Variants in SLC13A1 observed in about 807,000 individuals in gnomAD.
SLC13A1 encodes Na(+)/sulfate cotransporter.
A neutral mutation model predicts 70.0 loss-of-function variants in SLC13A1; 65 were observed. The observed-to-expected ratio is 0.93, with a 90% CI of 0.76 to 1.14. SLC13A1 has a LOEUF of 1.14. Ranked by LOEUF, SLC13A1 falls within the 50% of genes most tolerant of loss-of-function variation. The pLI is 0.00. For synonymous variants in SLC13A1, 275 were observed against 250.5 expected (o/e 1.10, Z -0.92); for missense variants, 726 against 717.8 (o/e 1.01, Z -0.13).
chr7:123,173,498 T>C (rs1487086154), intron 2 of SLC13A1, among the ~76,000 whole-genome samples: 2 of 152,156 alleles, frequency 1.3e-5, no homozygotes, highest in Non-Finnish European at 1.5e-5. Flanking sequence ...AGAGTATATA[T>C]TAATAAATGC....
intron 1 of SLC13A1, among the ~76,000 whole-genome samples, chr7:123,190,118 A>G (rs960503169): frequency 6.6e-6 from 1 of 152,172 alleles, no homozygotes; most frequent in African/African-American, 2.4e-5. Flanking sequence ...ATTCTTTCTC[A>G]GTTCACTGAA....
chr7:123,135,032 C>G (rs1015739557), intron 7 of SLC13A1, among the ~76,000 whole-genome samples: 2 of 152,158 alleles, frequency 1.3e-5, no homozygotes, highest in Non-Finnish European at 2.9e-5. Flanking sequence ...CCTAGGTCAT[C>G]TCCCATGGCT....
At position 123,163,856 on chromosome 7, in the gene SLC13A1, G is replaced by A. The variant is rs1438089044; in HGVS notation, c.660+4518C>T. Among the ~76,000 whole-genome samples, 3 of 151,906 alleles carry A rather than the reference G, an allele frequency of 2.0e-5. No individual in the cohort carries two copies. In the East Asian group the frequency reaches 5.8e-4, roughly 29 times the overall value. On this transcript the variant is annotated intron_variant, in intron 6 of 14. Coordinates refer to ENST00000194130, the MANE Select transcript of SLC13A1 (RefSeq NM_022444.4). ...TTAGTGTAGTTTATATACAACATGA[G>A]TTATTTTACTGTAATTGTAATCATT...
At chr7:123,195,906 C>T (rs1051234322) in intron 1 of SLC13A1, among the ~76,000 whole-genome samples, 2 of 152,008 alleles carry the variant, frequency 1.3e-5, no homozygotes, top group Non-Finnish European at 2.9e-5. Flanking sequence ...AAGAATTGCA[C>T]TCTACAAATA....
At chr7:123,125,519 A>G in intron 11 of SLC13A1, 50 bp downstream of exon 11, 1 of 1,349,156 alleles carries the variant, frequency 7.4e-7, no homozygotes, top group Non-Finnish European at 1.0e-6. Flanking sequence ...GGAATTTTGT[A>G]ATTTTTGCTC....
At chr7:123,147,125 T>A in intron 7 of SLC13A1, 34 bp downstream of exon 7, 1 of 1,601,098 alleles carries the variant, frequency 6.2e-7, no homozygotes, top group East Asian at 2.2e-5. Flanking sequence ...GTGCTGCCCT[T>A]ATGTTAAATC....
chr7:123,184,155 G>A (rs1411370203), intron 1 of SLC13A1, among the ~76,000 whole-genome samples: 1 of 151,994 alleles, frequency 6.6e-6, no homozygotes, highest in African/African-American at 2.4e-5. Flanking sequence ...TAATTGACAT[G>A]TAAAATTGTA....
In SLC13A1 at chr7:123,147,205, T is replaced by C; in HGVS notation, c.766A>G (p.Ile256Val). The C allele has an allele frequency of 6.2e-7, 1 of 1,613,722 alleles. No individual in the cohort carries two copies. Among genetic ancestry groups the C allele is most frequent in the Non-Finnish European group, 8.5e-7 (1 of 1,179,804 alleles). ...YSSTIGGLTT[I>V]TGTSTNLIFA... ...ATCAAGTTGGTGGAGGTACCAGTGA[T>C]TGTTGTCAGTCCACCAATGGTAGAA... is the stretch of plus-strand genomic sequence containing the variant. The change falls in exon 7 of 15, where the codon ATC (isoleucine) becomes GTC (valine). Residue 256 changes from isoleucine to valine, a missense_variant. Physicochemically the swap from Ile to Val is conservative, Grantham distance 29. Transcript: ENST00000194130.
intron 1 of SLC13A1, among the ~76,000 whole-genome samples, chr7:123,182,673 T>C (rs2116624342): frequency 6.6e-6 from 1 of 152,200 alleles, no homozygotes; most frequent in Middle Eastern, 3.4e-3. Flanking sequence ...CTGTTCACCA[T>C]ATACACCCCC....
intron 10 of SLC13A1, among the ~76,000 whole-genome samples, 181 bp downstream of exon 10, chr7:123,128,664 G>T (rs1272411763): frequency 6.6e-6 from 1 of 152,118 alleles, no homozygotes; most frequent in Non-Finnish European, 1.5e-5. Context: ...TTCTTTCTGT[G>T]CTCTTATCCT....
intron 7 of SLC13A1, among the ~76,000 whole-genome samples, chr7:123,142,839 G>A (rs756412701): frequency 6.6e-6 from 1 of 151,834 alleles, no homozygotes; most frequent in Non-Finnish European, 1.5e-5. Flanking sequence ...GGCTGGTTTT[G>A]AGCTCCTGAC....
intron 6 of SLC13A1, 138 bp downstream of exon 6, chr7:123,168,236 C>T (rs1795136468): frequency 1.2e-5 from 7 of 586,598 alleles, no homozygotes; most frequent in Non-Finnish European, 1.5e-5. Context: ...CAAACCATTA[C>T]ACCATGCTAC....
Position 123,117,680 on chromosome 7 carries a change from T to G in SLC13A1, c.1513-72A>C, listed in dbSNP as rs181840307. On this transcript the variant is annotated intron_variant, in intron 13 of 14. Transcript: ENST00000194130. ...ACACGAAACATAAAAAAAAAAAAAG[T>G]ATTACAATAAGCCTTCCCAGAAGCA... The G allele has an allele frequency of 2.3e-3, 2,093 of 902,072 alleles. 33 individuals are homozygous for G. The African/African-American group carries it at 0.031, about 13-fold the overall frequency. The allele number at this position is 902,072 out of a possible 1,614,324, so 55.9% of individuals were successfully genotyped here.
Position 123,115,672 on chromosome 7 carries a change from C to T in SLC13A1, c.1651-17G>A. 2.5e-6 allele frequency: 4 copies of T among 1,612,328 alleles called. No individual in the cohort carries two copies. Among genetic ancestry groups the T allele is most frequent in the Non-Finnish European group, 3.4e-6 (4 of 1,178,902 alleles). ...AGCTTTAACCTTGAACAGGAAAGAG[C>T]ATAAATGTCAGTGTCCCAGAAGAAA... On this transcript the variant is annotated splice_polypyrimidine_tract_variant and intron_variant, in intron 14 of 14. Coordinates refer to ENST00000194130, the MANE Select transcript of SLC13A1 (RefSeq NM_022444.4).
At chr7:123,170,436 A>G (rs1343942352) in intron 3 of SLC13A1, among the ~76,000 whole-genome samples, 4 of 152,214 alleles carry the variant, frequency 2.6e-5, no homozygotes, top group African/African-American at 9.6e-5. Flanking sequence ...GATGGTGAAA[A>G]TGCCTTAAAT....
At chr7:123,178,017 T>TTCTTTCTCTCTCTCTCTCTCTCTC (rs1554553463) in intron 2 of SLC13A1, among the ~76,000 whole-genome samples, 1 of 148,932 alleles carries the variant, frequency 6.7e-6, no homozygotes, top group African/African-American at 2.5e-5. Flanking sequence ...ATCTCTCTCT[T>TTCTTTCTCTCTCTCTCTCTCTCTC]TCTCTCTCTC....
Position 123,134,541 on chromosome 7 carries a change from C to T in SLC13A1, c.813-12G>A, listed in dbSNP as rs1277486696. 8.1e-6 allele frequency: 13 copies of T among 1,611,150 alleles called. No individual in the cohort carries two copies. The highest frequency in any genetic ancestry group is 4.4e-5 in the South Asian group (4 of 90,690). ...AGTCAGGATAGCGTCTGTGTGAAAACATGGAGACGTGTTCAGGGATGGAGA... is the reference window on the plus strand; with the variant it reads ...AGTCAGGATAGCGTCTGTGTGAAAATATGGAGACGTGTTCAGGGATGGAGA... On this transcript the variant is annotated splice_polypyrimidine_tract_variant and intron_variant, in intron 7 of 14. Transcript: ENST00000194130.
Position 123,181,042 on chromosome 7 carries a change from C to T in SLC13A1, c.159G>A (p.Leu53=). ...VVATFWLTEA[L]PLSVTALLPS... is the part of the protein sequence containing the mutation. ...GTAGCAAAGCTGTTACCGACAGAGG[C>T]AATGCTTCTGTGAGCCAAAATGTGG... Residue 53 remains leucine, a synonymous_variant, in exon 2 of 15, where the codon TTG becomes TTA. Transcript: ENST00000194130. The T allele has an allele frequency of 6.2e-7, 1 of 1,612,808 alleles. No individual in the cohort carries two copies. The highest frequency in any genetic ancestry group is 1.7e-5 in the Admixed American group (1 of 59,854).
chr7:123,128,276 TG>T (rs570465452), intron 10 of SLC13A1, among the ~76,000 whole-genome samples: 39 of 152,098 alleles, frequency 2.6e-4, no homozygotes, highest in Non-Finnish European at 4.6e-4. Flanking sequence ...AAAAACAAAG[TG>T]GGTAAAAATC....
Sources: gnomAD v4.1 joint callset for allele counts (sites outside exome capture counted in the v4.1 genomes callset) on GRCh38, gnomAD v4.1.1 for gene constraint, MANE v1.5 for transcripts, NCBI Gene and HGNC (gene_info 2026-07-23, HGNC 2026-07-21) for gene names.